CA7: variants seen among roughly 807,000 people sequenced by gnomAD.
CA7 encodes carbonic anhydrase 7.
Under a neutral mutation model 31.4 loss-of-function variants are expected in CA7, and 13 were observed. That is an observed-to-expected ratio of 0.41 (90% CI 0.27 to 0.66). The LOEUF is 0.66. Among genes scored for constraint, CA7 ranks in the 30% least tolerant of loss-of-function variants. The pLI is 0.28. For synonymous variants in CA7, 128 were observed against 133.2 expected (o/e 0.96, Z 0.27); for missense variants, 215 against 351.0 (o/e 0.61, Z 3.10).
rs971559717 is a variant in CA7, at chr16:66,852,864, G to T, written c.669G>T (p.Arg223Ser). Residue 223 changes from arginine (R) to serine (S), a missense_variant, in exon 6 of 7, where the codon AGG becomes AGT. Arg to Ser is a moderately radical substitution (Grantham distance 110, BLOSUM62 -1). Coordinates refer to ENST00000338437, the MANE Select transcript of CA7 (RefSeq NM_005182.3). Reference protein sequence around the residue: ...VLREPICISERQMGKFRSLLF... With the variant: ...VLREPICISESQMGKFRSLLF... ...GGGAGCCCATCTGCATCTCTGAAAG[G>T]CAGGTGAGTCCTCTCAGAGGACCAG... is the stretch of plus-strand genomic sequence containing the variant. 1.9e-6 allele frequency: 3 copies of T among 1,612,770 alleles called. No individual in the cohort carries two copies. The highest frequency in any genetic ancestry group is 1.7e-6 in the Non-Finnish European group (2 of 1,179,288).
intron 1 of CA7, chr16:66,845,040 T>C (rs1318072183): frequency 1.0e-6 from 1 of 986,076 alleles, no homozygotes. Flanking sequence ...TCTCGGCCGG[T>C]ACGTGAGGGA....
chr16:66,853,430 A>G lies in CA7; in HGVS notation c.727A>G (p.Met243Val), dbSNP rs1715493129. 1 of 1,614,176 alleles carries G rather than the reference A, an allele frequency of 6.2e-7. No homozygotes were observed. The highest frequency in any genetic ancestry group is 8.5e-7 in the Non-Finnish European group (1 of 1,180,026). Residue 243 changes from methionine to valine, a missense_variant, in exon 7 of 7, where the codon ATG becomes GTG. Transcript: ENST00000338437. The surrounding 1 kb of genome is among the most constrained non-coding windows in gnomAD (Gnocchi z 4.5). Reference sequence around the variant, plus strand: ...CTCGGAGGACGATGAGAGGATCCACATGGTGAACAACTTCCGGCCACCACA... The same window carrying G: ...CTCGGAGGACGATGAGAGGATCCACGTGGTGAACAACTTCCGGCCACCACA... Reference protein sequence around the residue: ...FTSEDDERIHMVNNFRPPQPL... With the variant: ...FTSEDDERIHVVNNFRPPQPL...
Position 66,847,152 on chromosome 16 carries a change from G to T in CA7, c.163G>T (p.Ala55Ser). 6.2e-7 allele frequency: 1 copy of T among 1,614,186 alleles called. No homozygotes were observed. The highest frequency in any genetic ancestry group is 8.5e-7 in the Non-Finnish European group (1 of 1,180,032). ...SLQPLELSYEACMSLSITNNG... is the reference protein window; with the variant it reads ...SLQPLELSYESCMSLSITNNG... ...GCAACCACTGGAGCTTTCCTATGAG[G>T]CCTGCATGTCCCTCAGCATCACCAA... The change falls in exon 2 of 7, where the codon GCC becomes TCC. Residue 55 changes from alanine (A) to serine (S), a missense_variant. Ala to Ser is a moderately conservative substitution (Grantham distance 99). Coordinates refer to ENST00000338437, the MANE Select transcript of CA7 (RefSeq NM_005182.3).
chr16:66,851,431 G>A, intron 3 of CA7, 32 bp from the exon 4 acceptor site: 2 of 1,571,612 alleles, frequency 1.3e-6, no homozygotes, highest in South Asian at 1.1e-5. Flanking sequence ...CCTCTGGGAG[G>A]CACGAAGCAT....
intron 2 of CA7, among the ~76,000 whole-genome samples, chr16:66,848,251 T>C (rs955218303): frequency 6.6e-6 from 1 of 152,204 alleles, no homozygotes; most frequent in African/African-American, 2.4e-5. Flanking sequence ...AAAGGGAGTC[T>C]AGCAGATCCT....
At chr16:66,846,961 T>A (rs1960941677) in intron 1 of CA7, 69 bp from the exon 2 acceptor site, 1 of 1,330,874 alleles carries the variant, frequency 7.5e-7, no homozygotes, top group African/African-American at 1.4e-5. Context: ...CATTCCCCTA[T>A]GGGTGTCCTC....
chr16:66,850,199 G>A (rs1961010342), intron 2 of CA7, among the ~76,000 whole-genome samples: 1 of 151,690 alleles, frequency 6.6e-6, no homozygotes, highest in African/African-American at 2.4e-5. Flanking sequence ...CAGCATTTTG[G>A]GAGGCCAAGG....
intron 6 of CA7, 53 bp downstream of exon 6, chr16:66,852,920 C>T: frequency 6.5e-7 from 1 of 1,543,808 alleles, no homozygotes; most frequent in Non-Finnish European, 8.8e-7. Context: ...GGGCTCACCC[C>T]AGGCAGTGTG....
intron 1 of CA7, among the ~76,000 whole-genome samples, chr16:66,845,668 G>A (rs1960915442): frequency 6.6e-6 from 1 of 152,146 alleles, no homozygotes; most frequent in African/African-American, 2.4e-5. Flanking sequence ...CAGATGGACA[G>A]GACCCATAGG....
intron 1 of CA7, chr16:66,844,942 G>A (rs757195485): frequency 1.3e-4 from 127 of 1,009,404 alleles, no homozygotes; most frequent in Non-Finnish European, 1.4e-4. Flanking sequence ...CGGCAAGTGA[G>A]CGGGGACCTC....
intron 1 of CA7, chr16:66,845,299 C>A: frequency 2.4e-5 from 21 of 857,318 alleles, no homozygotes; most frequent in South Asian, 5.3e-5. Flanking sequence ...CATTTCTTAC[C>A]AAGCAGGGGT....
chr16:66,852,984 A>G (rs1371689171), intron 6 of CA7, 117 bp downstream of exon 6: 3 of 858,992 alleles, frequency 3.5e-6, no homozygotes, highest in Non-Finnish European at 5.2e-6. Context: ...GTTCCTCCCC[A>G]TTTTTTACTA....
intron 1 of CA7, 68 bp from the exon 2 acceptor site, chr16:66,846,961 TG>T: frequency 7.5e-7 from 1 of 1,330,874 alleles, no homozygotes; most frequent in South Asian, 1.2e-5. Context: ...CATTCCCCTA[TG>T]GGTGTCCTCG....
chr16:66,851,832 G>A (rs1408809686), intron 5 of CA7, 106 bp downstream of exon 5: 1 of 983,336 alleles, frequency 1.0e-6, no homozygotes, highest in African/African-American at 1.6e-5. Context: ...AACCCTTGCT[G>A]AGACCAAGGA....
chr16:66,847,950 T>C (rs890674788), intron 2 of CA7, among the ~76,000 whole-genome samples: 1 of 152,220 alleles, frequency 6.6e-6, no homozygotes, highest in Non-Finnish European at 1.5e-5. Context: ...TTCGTCCTTA[T>C]GACTGGGCCT....
Position 66,844,501 on chromosome 16 carries a change from A to G in CA7, c.14A>G (p.His5Arg). The G allele has an allele frequency of 6.5e-7, 1 of 1,543,330 alleles. No individual in the cohort carries two copies. Among genetic ancestry groups the G allele is most frequent in the Non-Finnish European group, 8.7e-7 (1 of 1,144,230 alleles). The change falls in exon 1 of 7, where the codon CAC becomes CGC. Residue 5 changes from histidine to arginine, a missense_variant. His to Arg is a conservative substitution (Grantham distance 29, BLOSUM62 0). Transcript: ENST00000338437. MTGH[H>R]GWGYGQDDGP... ...GACGGCAGCGGCATGACCGGCCACC[A>G]CGGCTGGGGCTACGGCCAGGACGAC...
chr16:66,846,923 C>T, intron 1 of CA7, 107 bp from the exon 2 acceptor site: 1 of 855,428 alleles, frequency 1.2e-6, no homozygotes, highest in African/African-American at 1.7e-5. Context: ...AATGCAGGGG[C>T]TCACCTCTGA....
At chr16:66,845,321 G>T in intron 1 of CA7, 27 of 725,126 alleles carry the variant, frequency 3.7e-5, no homozygotes, top group Non-Finnish European at 4.4e-5. Flanking sequence ...GGGGTGTGGG[G>T]TAAGGGGTTC....
chr16:66,853,848 G>A lies in CA7; in HGVS notation c.*350G>A. 4.0e-6 allele frequency: 1 copy of A among 247,096 alleles called. No individual in the cohort carries two copies. Among genetic ancestry groups the A allele is most frequent in the Non-Finnish European group, 7.9e-6 (1 of 126,200 alleles). 15.3% of individuals were successfully genotyped at this position (247,096 alleles called of 1,614,324 possible). A position where few individuals can be genotyped will look rare whatever the true frequency, so the allele number is the denominator to read the frequency against. ...TGATGGAGGAGACTGAGCTCCCTGG[G>A]GCGGGCAGCTGACACTACCAGAGAG... On this transcript the variant is annotated 3_prime_UTR_variant, in exon 7 of 7. Coordinates refer to ENST00000338437, the MANE Select transcript of CA7 (RefSeq NM_005182.3). This position sits in a 1 kb window ranked among gnomAD's most constrained non-coding sequence, Gnocchi z 4.5.
Sources: gnomAD v4.1 joint callset for allele counts (sites outside exome capture counted in the v4.1 genomes callset) on GRCh38, gnomAD v4.1.1 for gene constraint, Gnocchi (gnomAD v3.1) non-coding constraint, MANE v1.5 for transcripts, NCBI Gene and HGNC (gene_info 2026-07-23, HGNC 2026-07-21) for gene names.